Variants in ZMAT3 observed in about 807,000 individuals in gnomAD.
ZMAT3 encodes zinc finger matrin-type 3.
ZMAT3 carries 17 observed loss-of-function variants against 32.3 expected under a neutral mutation model. The observed-to-expected ratio is 0.53, with a 90% CI of 0.36 to 0.79. The LOEUF is 0.79. Among genes scored for constraint, ZMAT3 ranks in the 30% least tolerant of loss-of-function variants. The pLI is 0.00. For missense variants in ZMAT3, 329 were observed against 359.7 expected (o/e 0.91, Z 0.69); for synonymous variants, 120 against 133.1 (o/e 0.90, Z 0.68).
intron 2 of ZMAT3, among the ~76,000 whole-genome samples, chr3:179,042,253 T>G (rs537048440): frequency 2.9e-4 from 44 of 152,222 alleles, no homozygotes; most frequent in African/African-American, 8.7e-4. Context: ...CACCAAAGCC[T>G]GGAAGAGATA....
rs372922003 is a variant in ZMAT3 at position 179,030,940 on chromosome 3, A to G, written c.330T>C (p.Pro110=). ...GCTCGACCACATTGCTCATTCTAGC[A>G]GGAGGAGGACAGCTATTTGCTGCAT... The part of the protein sequence containing the change: ...NYYAANSCPP[P]ARMSNVVEPA... The change falls in exon 3 of 6, where the codon CCT becomes CCC. Residue 110 remains proline (P), a synonymous_variant. Transcript: ENST00000311417. 7 of 1,613,852 alleles carry G rather than the reference A, an allele frequency of 4.3e-6. No individual in the cohort carries two copies. The African/African-American group carries it at 9.3e-5, about 22-fold the overall frequency.
chr3:179,034,437 T>G (rs534311643), intron 2 of ZMAT3, among the ~76,000 whole-genome samples: 1 of 152,270 alleles, frequency 6.6e-6, no homozygotes, highest in East Asian at 1.9e-4. Flanking sequence ...CCTTCTTCCC[T>G]CCCCACCTCT....
intron 2 of ZMAT3, among the ~76,000 whole-genome samples, chr3:179,035,685 T>G (rs1719549096): frequency 6.6e-6 from 1 of 152,242 alleles, no homozygotes; most frequent in Non-Finnish European, 1.5e-5. Context: ...TTTACTGTTC[T>G]AATCCCAATG....
chr3:179,024,954 G>T lies in ZMAT3; in HGVS notation c.*63C>A. On this transcript the variant is annotated 3_prime_UTR_variant, in exon 6 of 6. Coordinates refer to ENST00000311417, the MANE Select transcript of ZMAT3 (RefSeq NM_022470.4). ...CTCATATCAAAAAGACCACAAAGCAGGGCAAGTTGACAAAAGGCAAACAAC... is the reference window on the plus strand; with the variant it reads ...CTCATATCAAAAAGACCACAAAGCATGGCAAGTTGACAAAAGGCAAACAAC... The T allele has an allele frequency of 6.7e-7, 1 of 1,485,810 alleles. No homozygotes were observed. The allele number at this position is 1,485,810 out of a possible 1,614,324, so 92.0% of individuals were successfully genotyped here. A position where few individuals can be genotyped will look rare whatever the true frequency, so the allele number is the denominator to read the frequency against.
At chr3:179,026,693 G>A (rs1225631274) in intron 5 of ZMAT3, among the ~76,000 whole-genome samples, 1 of 152,094 alleles carries the variant, frequency 6.6e-6, no homozygotes, top group African/African-American at 2.4e-5. Flanking sequence ...GGCCTGAATT[G>A]TGCTTTCTAT....
chr3:179,065,116 A>G (rs1420227750), intron 2 of ZMAT3, among the ~76,000 whole-genome samples: 1 of 152,210 alleles, frequency 6.6e-6, no homozygotes, highest in Non-Finnish European at 1.5e-5. Flanking sequence ...ATACTTTATT[A>G]TACCCAAACT....
rs150698353 is a variant in ZMAT3 at position 179,057,543 on chromosome 3, G to A, written c.270+9940C>T. Among the ~76,000 whole-genome samples, 174 of 152,292 alleles carry A rather than the reference G, an allele frequency of 1.1e-3. No individual in the cohort carries two copies. The East Asian group carries it at 0.027, about 24-fold the overall frequency. ...CCTGGACACTCCTGTCCTTCGGTAC[G>A]TGGATGATTTACTTTTAGCTGCCCA... is the stretch of plus-strand genomic sequence containing the variant. On this transcript the variant is annotated intron_variant, in intron 2 of 5. Transcript: ENST00000311417.
chr3:179,031,488 T>C (rs958843260), intron 2 of ZMAT3, among the ~76,000 whole-genome samples: 3 of 152,338 alleles, frequency 2.0e-5, no homozygotes, highest in Non-Finnish European at 4.4e-5. Flanking sequence ...ACTATAGTGC[T>C]AGATTTGATT....
intron 2 of ZMAT3, among the ~76,000 whole-genome samples, chr3:179,035,135 C>G (rs1436395066): frequency 6.6e-6 from 1 of 151,908 alleles, no homozygotes; most frequent in Non-Finnish European, 1.5e-5. Context: ...ACAAATCTTA[C>G]CTATAAGGCC....
rs1419167597 is a variant in ZMAT3 at position 179,046,413 on chromosome 3, C to T, written c.271-15414G>A. On this transcript the variant is annotated intron_variant, in intron 2 of 5. Coordinates refer to ENST00000311417, the MANE Select transcript of ZMAT3 (RefSeq NM_022470.4). This position sits in a 1 kb window ranked among gnomAD's most constrained non-coding sequence, Gnocchi z 4.3. Reference sequence around the variant, plus strand: ...GCAGGACTAACTAGCAGCTCCCACTCAGATGGACAGAGCAGTGTGTGGAGA... The same window carrying T: ...GCAGGACTAACTAGCAGCTCCCACTTAGATGGACAGAGCAGTGTGTGGAGA... 1.3e-5 allele frequency among the ~76,000 whole-genome samples: 2 copies of T among 151,948 alleles called. No homozygotes were observed. Among genetic ancestry groups the T allele is most frequent in the Non-Finnish European group, 2.9e-5 (2 of 68,020 alleles).
rs1046162362 is a variant in ZMAT3, at chr3:179,046,696, G to C, written c.271-15697C>G. Among the ~76,000 whole-genome samples, 7 of 152,284 alleles carry C rather than the reference G, an allele frequency of 4.6e-5. No individual in the cohort carries two copies. The highest frequency in any genetic ancestry group is 3.4e-3 in the Middle Eastern group (1 of 294). ...GAGGAAGACCAGCCTTTAGGGCTGG[G>C]GGATGCATGGGAGCTGGGTGAGGCC... On this transcript the variant is annotated intron_variant, in intron 2 of 5. Transcript: ENST00000311417. This position sits in a 1 kb window ranked among gnomAD's most constrained non-coding sequence, Gnocchi z 4.3.
chr3:179,060,256 T>TA (rs1721084496), intron 2 of ZMAT3, among the ~76,000 whole-genome samples: 1 of 151,958 alleles, frequency 6.6e-6, no homozygotes, highest in Admixed American at 6.6e-5. Context: ...ATAAAGTATC[T>TA]ATCCATCAAT....
intron 2 of ZMAT3, among the ~76,000 whole-genome samples, chr3:179,032,945 TGAG>T (rs1719362502): frequency 1.3e-5 from 2 of 151,956 alleles, no homozygotes; most frequent in Middle Eastern, 3.2e-3. Flanking sequence ...GTCTGGGAAT[TGAG>T]GAGCCTCTCT....
chr3:179,054,353 T>A (rs981845354), intron 2 of ZMAT3, among the ~76,000 whole-genome samples: 1 of 152,208 alleles, frequency 6.6e-6, no homozygotes, highest in African/African-American at 2.4e-5. Context: ...TTCGATATCA[T>A]ACATCTAGCG....
rs1182190487 is a variant in ZMAT3 at position 179,022,042 on chromosome 3, T to C, written c.*2975A>G. 6.6e-6 allele frequency: 1 copy of C among 151,792 alleles called. No homozygotes were observed. 9.4% of individuals were successfully genotyped at this position (151,792 alleles called of 1,614,324 possible). On this transcript the variant is annotated 3_prime_UTR_variant, in exon 6 of 6. Transcript: ENST00000311417. The stretch of plus-strand genomic sequence containing the variant: ...TATTGTAGGCAATACGGTACTAAAG[T>C]GTCCTATAAAACAAACACATAGCTC...
chr3:179,062,246 T>C (rs1248004097), intron 2 of ZMAT3, among the ~76,000 whole-genome samples: 1 of 152,104 alleles, frequency 6.6e-6, no homozygotes, highest in Non-Finnish European at 1.5e-5. Flanking sequence ...TACAGTGGGC[T>C]GAGGAATGAA....
chr3:179,051,414 T>TA (rs1177135678), intron 2 of ZMAT3, among the ~76,000 whole-genome samples: 1 of 151,448 alleles, frequency 6.6e-6, no homozygotes, highest in Non-Finnish European at 1.5e-5. Context: ...ACAAAAAAAA[T>TA]AAAATAAAAT....
intron 2 of ZMAT3, among the ~76,000 whole-genome samples, chr3:179,061,204 C>T (rs1339651277): frequency 6.6e-5 from 10 of 152,030 alleles, no homozygotes; most frequent in African/African-American, 2.4e-4. Context: ...CCAAAGCTGA[C>T]AAAGCTGTGC....
intron 2 of ZMAT3, among the ~76,000 whole-genome samples, chr3:179,059,847 G>A (rs1576874328): frequency 6.6e-6 from 1 of 152,260 alleles, no homozygotes; most frequent in African/African-American, 2.4e-5. Flanking sequence ...AGGACTAGCT[G>A]GATTTCCTAG....
Sources: allele counts gnomAD v4.1 joint callset (sites outside exome capture counted in the v4.1 genomes callset), GRCh38; gene constraint gnomAD v4.1.1; non-coding constraint Gnocchi (gnomAD v3.1); transcripts MANE v1.5; gene names NCBI Gene and HGNC (gene_info 2026-07-23, HGNC 2026-07-21).